The following PRKCA variants were observed in gnomAD, a reference collection of about 807,000 sequenced individuals.
The protein encoded by PRKCA is protein kinase C alpha type.
A neutral mutation model predicts 87.0 loss-of-function variants in PRKCA; 27 were observed. The ratio of observed to expected loss-of-function variants is 0.31; its 90% CI spans 0.23 to 0.43. PRKCA has a LOEUF of 0.43. Among genes scored for constraint, PRKCA ranks in the 20% least tolerant of loss-of-function variants. PRKCA has a pLI of 1.00. For missense variants in PRKCA, 518 were observed against 852.3 expected, an observed-to-expected ratio of 0.61 and a Z score of 4.88; for synonymous variants, 329 against 311.1, an observed-to-expected ratio of 1.06 and a Z score of -0.61.
At chr17:66,360,941 T>A (rs1908353751) in intron 2 of PRKCA, among the ~76,000 whole-genome samples, 1 of 152,136 alleles carries the variant, frequency 6.6e-6, no homozygotes, top group Non-Finnish European at 1.5e-5. Context: ...ATCGTCTTTA[T>A]CTGGTTTTAT....
intron 3 of PRKCA, among the ~76,000 whole-genome samples, chr17:66,502,280 G>T (rs1476407935): frequency 6.6e-6 from 1 of 151,726 alleles, no homozygotes; most frequent in Non-Finnish European, 1.5e-5. Context: ...TGTTTCCCAG[G>T]CTGGAGTGCA....
intron 5 of PRKCA, among the ~76,000 whole-genome samples, chr17:66,647,781 T>C (rs1567953381): frequency 6.6e-6 from 1 of 152,198 alleles, no homozygotes; most frequent in Non-Finnish European, 1.5e-5. Context: ...GACCTTTCAC[T>C]GGGTTGGATG....
chr17:66,476,734 C>T (rs1389677029), intron 2 of PRKCA, among the ~76,000 whole-genome samples: 1 of 152,208 alleles, frequency 6.6e-6, no homozygotes, highest in Non-Finnish European at 1.5e-5. Context: ...GTTGGATTCT[C>T]TTTTTCTTCA....
intron 13 of PRKCA, among the ~76,000 whole-genome samples, chr17:66,748,614 T>A (rs1290741829): frequency 9.2e-5 from 14 of 152,052 alleles, no homozygotes; most frequent in Admixed American, 8.5e-4. Flanking sequence ...GACTTGATGA[T>A]CCCTGAGAGA....
At chr17:66,662,074 A>G (rs1157475490) in intron 5 of PRKCA, among the ~76,000 whole-genome samples, 1 of 152,240 alleles carries the variant, frequency 6.6e-6, no homozygotes, top group Non-Finnish European at 1.5e-5. Flanking sequence ...AGAGCCAGCC[A>G]GGCAACCTGG....
intron 3 of PRKCA, chr17:66,638,130 G>C (rs1598834902): frequency 6.8e-6 from 1 of 146,964 alleles, no homozygotes; most frequent in East Asian, 1.9e-4. Flanking sequence ...ATATATGTGT[G>C]TGTGTGTGTG....
Position 66,781,923 on chromosome 17 carries a change from A to T in PRKCA, c.1606-4944A>T, listed in dbSNP as rs9911972. 7.2e-5 allele frequency among the ~76,000 whole-genome samples: 10 copies of T among 139,554 alleles called. No homozygotes were observed. The South Asian group carries it at 9.1e-4, about 13-fold the overall frequency. The allele number at this position is 139,554 out of a possible 152,430, so 91.6% of individuals were successfully genotyped here. On this transcript the variant is annotated intron_variant, in intron 14 of 16. Transcript: ENST00000413366. ...GTGTGTGTGTGTGTGTGTGTGAGTG[A>T]GTGTGAGTGTGACAGAGTCTTGCTC...
At chr17:66,382,737 G>A (rs560793950) in intron 2 of PRKCA, among the ~76,000 whole-genome samples, 2 of 152,214 alleles carry the variant, frequency 1.3e-5, no homozygotes. Context: ...ACAGTGTCTG[G>A]AGACATTTTT....
chr17:66,550,817 C>T (rs1264054573), intron 3 of PRKCA, among the ~76,000 whole-genome samples: 4 of 152,176 alleles, frequency 2.6e-5, no homozygotes, highest in South Asian at 2.1e-4. Flanking sequence ...GCGACACATT[C>T]GTCTTTCTTG....
chr17:66,741,109 T>C (rs780678337), intron 11 of PRKCA, among the ~76,000 whole-genome samples: 1 of 152,236 alleles, frequency 6.6e-6, no homozygotes. Context: ...GCTATTAATG[T>C]ATTAACAATT....
intron 3 of PRKCA, among the ~76,000 whole-genome samples, chr17:66,566,666 C>T (rs905871306): frequency 6.6e-6 from 1 of 151,956 alleles, no homozygotes; most frequent in Non-Finnish European, 1.5e-5. Context: ...ATTTATTAGA[C>T]CAGAACTGTT....
At chr17:66,699,210 C>CAAAAAAAAAAAAAAA in intron 8 of PRKCA, among the ~76,000 whole-genome samples, 1 of 105,632 alleles carries the variant, frequency 9.5e-6, no homozygotes, top group Non-Finnish European at 1.9e-5. Context: ...GACTGTCTCT[C>CAAAAAAAAAAAAAAA]AAAAAAAAAA....
chr17:66,428,660 T>C (rs1251721030), intron 2 of PRKCA, among the ~76,000 whole-genome samples: 1 of 152,064 alleles, frequency 6.6e-6, no homozygotes, highest in African/African-American at 2.4e-5. Context: ...TGTATCACCA[T>C]GCCCAGCTAA....
chr17:66,450,079 CT>C (rs1914233634), intron 2 of PRKCA, among the ~76,000 whole-genome samples: 1 of 150,848 alleles, frequency 6.6e-6, no homozygotes, highest in South Asian at 2.1e-4. Flanking sequence ...AGAGTGGAGG[CT>C]TTGGAATTAC....
chr17:66,461,552 T>C (rs1449780147), intron 2 of PRKCA, among the ~76,000 whole-genome samples: 2 of 152,200 alleles, frequency 1.3e-5, no homozygotes, highest in East Asian at 3.8e-4. Flanking sequence ...CCCCTAGTTA[T>C]CTCCTAATTC....
intron 2 of PRKCA, among the ~76,000 whole-genome samples, chr17:66,456,503 G>C (rs1914580733): frequency 6.6e-6 from 1 of 152,168 alleles, no homozygotes; most frequent in Admixed American, 6.5e-5. Flanking sequence ...ATCCTGCCCA[G>C]ATGTGATGCC....
At chr17:66,312,138 T>C (rs1257370327) in intron 2 of PRKCA, among the ~76,000 whole-genome samples, 2 of 152,230 alleles carry the variant, frequency 1.3e-5, no homozygotes, top group Non-Finnish European at 1.5e-5. Flanking sequence ...CATGCCACCA[T>C]GCCCAGCTAA....
intron 2 of PRKCA, among the ~76,000 whole-genome samples, chr17:66,327,366 CAAAA>C (rs769256839): frequency 1.2e-5 from 1 of 80,004 alleles, no homozygotes; most frequent in African/African-American, 5.8e-5. Flanking sequence ...AACTCTGTCT[CAAAA>C]AAAAAAAAAA....
At chr17:66,750,944 T>C (rs534396508) in intron 13 of PRKCA, among the ~76,000 whole-genome samples, 9 of 152,182 alleles carry the variant, frequency 5.9e-5, no homozygotes, top group Non-Finnish European at 1.2e-4. Flanking sequence ...CCAAGCAACA[T>C]GTCACTCCAC....
Sources: allele counts gnomAD v4.1 joint callset (sites outside exome capture counted in the v4.1 genomes callset), GRCh38; gene constraint gnomAD v4.1.1; transcripts MANE v1.5; gene names NCBI Gene and HGNC (gene_info 2026-07-23, HGNC 2026-07-21).